The following MAST2 variants were observed in gnomAD, a reference collection of about 807,000 sequenced individuals.
The protein encoded by MAST2 is microtubule-associated serine/threonine-protein kinase 2.
MAST2 carries 70 observed loss-of-function variants against 147.4 expected under a neutral mutation model. The observed-to-expected ratio is 0.47, with a 90% CI of 0.39 to 0.58. The LOEUF (loss-of-function observed/expected upper bound fraction) is 0.58. Among genes scored for constraint, MAST2 ranks in the 20% least tolerant of loss-of-function variants. MAST2 has a pLI of 0.00. For synonymous variants in MAST2, 869 were observed against 896.8 expected (o/e 0.97, Z 0.55); for missense variants, 2,080 against 2,302.3 (o/e 0.90, Z 1.98).
chr1:45,857,596 C>T (rs1455059165), intron 3 of MAST2, among the ~76,000 whole-genome samples: 1 of 152,090 alleles, frequency 6.6e-6, no homozygotes, highest in Non-Finnish European at 1.5e-5. Flanking sequence ...GATTTTGTAA[C>T]TAAAGTTAGT....
At chr1:45,834,362 C>T (rs984669043) in intron 3 of MAST2, among the ~76,000 whole-genome samples, 3 of 151,986 alleles carry the variant, frequency 2.0e-5, no homozygotes, top group Admixed American at 6.6e-5. Context: ...CTTAAAGTTG[C>T]AAATATTTCC....
chr1:45,860,201 T>TAC (rs777498021), intron 3 of MAST2, among the ~76,000 whole-genome samples: 30,915 of 143,890 alleles, frequency 0.21, 3,453 homozygotes, highest in African/African-American at 0.3. Flanking sequence ...CTACTAAAAA[T>TAC]ACACACACAC....
intron 5 of MAST2, among the ~76,000 whole-genome samples, chr1:45,975,903 A>G (rs973738440): frequency 6.6e-6 from 1 of 151,564 alleles, no homozygotes; most frequent in Non-Finnish European, 1.5e-5. Flanking sequence ...TATATTCCCA[A>G]TTTTGTATAT....
At chr1:46,000,775 C>G (rs1645243553) in intron 6 of MAST2, among the ~76,000 whole-genome samples, 2 of 152,174 alleles carry the variant, frequency 1.3e-5, no homozygotes, top group South Asian at 4.1e-4. Flanking sequence ...TTTGCAATGT[C>G]AAACAAAAGA....
chr1:45,808,453 C>CTCAGG (rs1329928973), intron 1 of MAST2, among the ~76,000 whole-genome samples: 1 of 152,186 alleles, frequency 6.6e-6, no homozygotes, highest in African/African-American at 2.4e-5. Flanking sequence ...AGGCAATCCA[C>CTCAGG]CCGCCTTGGC....
intron 3 of MAST2, among the ~76,000 whole-genome samples, chr1:45,832,494 C>A (rs1188307967): frequency 1.3e-5 from 2 of 152,048 alleles, no homozygotes; most frequent in Non-Finnish European, 1.5e-5. Context: ...GGGGTTTTGC[C>A]ATGTTGGCCA....
intron 3 of MAST2, among the ~76,000 whole-genome samples, chr1:45,878,308 C>T (rs1185510013): frequency 6.6e-6 from 1 of 150,786 alleles, no homozygotes; most frequent in East Asian, 1.9e-4. Context: ...AAGAGAAAAA[C>T]TATGTAAGCA....
intron 5 of MAST2, among the ~76,000 whole-genome samples, chr1:45,981,132 C>T (rs1016984968): frequency 2.6e-5 from 4 of 151,956 alleles, no homozygotes; most frequent in Non-Finnish European, 4.4e-5. Context: ...AGTGCAGTGA[C>T]GCGATCTCGG....
At chr1:46,008,989 C>T (rs774816468) in intron 9 of MAST2, among the ~76,000 whole-genome samples, 6 of 152,184 alleles carry the variant, frequency 3.9e-5, no homozygotes, top group East Asian at 1.9e-4. Context: ...AAGTAGCATT[C>T]GTAACTCTGC....
At chr1:45,929,082 T>C (rs1654870502) in intron 4 of MAST2, among the ~76,000 whole-genome samples, 1 of 152,148 alleles carries the variant, frequency 6.6e-6, no homozygotes, top group Admixed American at 6.6e-5. Flanking sequence ...GTCAAGTCTC[T>C]CCCTTGTTTT....
intron 5 of MAST2, among the ~76,000 whole-genome samples, chr1:45,970,081 A>C (rs1396210014): frequency 6.6e-6 from 1 of 152,208 alleles, no homozygotes; most frequent in African/African-American, 2.4e-5. Context: ...CAAACAAAAT[A>C]GTTTCTCCCA....
intron 3 of MAST2, among the ~76,000 whole-genome samples, chr1:45,857,691 G>A (rs1309431337): frequency 6.6e-6 from 1 of 152,002 alleles, no homozygotes; most frequent in Non-Finnish European, 1.5e-5. Context: ...ATGTTGGTGT[G>A]CTGCACCCAT....
chr1:46,027,680 C>T (rs1253507347), intron 16 of MAST2, 51 bp from the exon 17 acceptor site: 2 of 1,584,154 alleles, frequency 1.3e-6, no homozygotes, highest in Non-Finnish European at 1.7e-6. Context: ...AAAATCAGTA[C>T]TCTCAGAAAA....
intron 5 of MAST2, among the ~76,000 whole-genome samples, chr1:45,978,552 A>C (rs775853546): frequency 1.3e-5 from 2 of 152,182 alleles, no homozygotes; most frequent in Non-Finnish European, 2.9e-5. Flanking sequence ...TAAAATCACA[A>C]AAAGATATTA....
intron 3 of MAST2, among the ~76,000 whole-genome samples, chr1:45,850,943 T>A (rs924828906): frequency 3.3e-5 from 5 of 152,024 alleles, no homozygotes; most frequent in African/African-American, 1.2e-4. Context: ...GTTTTGGCTA[T>A]TTGAGCTCTT....
At chr1:45,839,149 G>T (rs1010263109) in intron 3 of MAST2, among the ~76,000 whole-genome samples, 6 of 62,642 alleles carry the variant, frequency 9.6e-5, no homozygotes, top group Admixed American at 1.6e-4. Flanking sequence ...TTTTTTTTGA[G>T]ACGGAGTCTC....
rs1321638797 is a variant in MAST2, at chr1:46,035,547, A to G, written c.4878A>G (p.Ala1626=). 1.9e-6 allele frequency: 3 copies of G among 1,613,436 alleles called. No homozygotes were observed. Among genetic ancestry groups the G allele is most frequent in the South Asian group, 2.2e-5 (2 of 91,082 alleles). ...CWKAQHLHTQ[A]LTALSPSTSG... is the part of the protein sequence containing the mutation. ...AGGCCCAGCACCTCCACACCCAGGC[A>G]CTAACAGCACTTTCTCCCAGCACTT... Residue 1626 remains alanine, a synonymous_variant, in exon 29 of 29, where the codon GCA becomes GCG. Coordinates refer to ENST00000361297, the MANE Select transcript of MAST2 (RefSeq NM_015112.3). This position sits in a 1 kb window ranked among gnomAD's most constrained non-coding sequence, Gnocchi z 5.5.
chr1:45,861,072 T>G (rs1645966121), intron 3 of MAST2, among the ~76,000 whole-genome samples: 1 of 152,200 alleles, frequency 6.6e-6, no homozygotes, highest in Non-Finnish European at 1.5e-5. Flanking sequence ...ATTTAATTAT[T>G]CTTAAAGTAT....
intron 4 of MAST2, among the ~76,000 whole-genome samples, chr1:45,950,225 A>G (rs1658733692): frequency 6.6e-6 from 1 of 152,058 alleles, no homozygotes; most frequent in Non-Finnish European, 1.5e-5. Flanking sequence ...AATAATAATA[A>G]TAACAGTGGG....
Sources: allele counts gnomAD v4.1 joint callset (sites outside exome capture counted in the v4.1 genomes callset), GRCh38; gene constraint gnomAD v4.1.1; non-coding constraint Gnocchi (gnomAD v3.1); transcripts MANE v1.5; gene names NCBI Gene and HGNC (gene_info 2026-07-23, HGNC 2026-07-21).